Variants in GRIK2 observed in about 807,000 individuals in gnomAD.
GRIK2 encodes glutamate ionotropic receptor kainate type subunit 2.
GRIK2 carries 32 observed loss-of-function variants against 100.3 expected under a neutral mutation model. The observed-to-expected ratio is 0.32, with a 90% CI of 0.24 to 0.43. The LOEUF is 0.43. Among genes scored for constraint, GRIK2 ranks in the 20% least tolerant of loss-of-function variants. The probability of loss-of-function intolerance (pLI) is 1.00; values close to 1 mark genes in which losing one functional copy is unlikely to be tolerated. For missense variants in GRIK2, 843 were observed against 1,114.9 expected (o/e 0.76, Z 3.47); for synonymous variants, 417 against 389.4 (o/e 1.07, Z -0.83).
intron 4 of GRIK2, among the ~76,000 whole-genome samples, chr6:101,664,569 C>A (rs981959811): frequency 2.6e-5 from 4 of 152,222 alleles, no homozygotes; most frequent in Admixed American, 6.5e-5. Flanking sequence ...AGGTTTTAGC[C>A]TTGGCATGGC....
intron 2 of GRIK2, among the ~76,000 whole-genome samples, chr6:101,512,268 A>G (rs1774361347): frequency 6.6e-6 from 1 of 151,998 alleles, no homozygotes; most frequent in Admixed American, 6.6e-5. Flanking sequence ...ATGTATATAC[A>G]GTATGGTATT....
chr6:101,818,292 C>A, intron 9 of GRIK2, 78 bp from the exon 10 acceptor site: 2 of 757,050 alleles, frequency 2.6e-6, no homozygotes, highest in Non-Finnish European at 4.5e-6. Context: ...TAAGTGTTAG[C>A]AATCTTAACT....
intron 2 of GRIK2, among the ~76,000 whole-genome samples, chr6:101,413,637 A>T (rs1775980188): frequency 6.6e-6 from 1 of 152,082 alleles, no homozygotes; most frequent in Admixed American, 6.5e-5. Flanking sequence ...TGGCATCAAG[A>T]TGTATATGTT....
chr6:101,963,509 C>CTTTTTTTTTTTTTTTTTTTTTTTTT (rs770178884), intron 14 of GRIK2, among the ~76,000 whole-genome samples: 1 of 106,108 alleles, frequency 9.4e-6, no homozygotes, highest in African/African-American at 3.8e-5. Flanking sequence ...TTCTTTCTTT[C>CTTTTTTTTTTTTTTTTTTTTTTTTT]TTTTTTTTTT....
chr6:101,961,130 A>G (rs967873911), intron 14 of GRIK2, among the ~76,000 whole-genome samples: 2 of 152,038 alleles, frequency 1.3e-5, no homozygotes, highest in South Asian at 2.1e-4. Flanking sequence ...TCCACATCAC[A>G]CCCTTCTTCC....
At chr6:101,621,239 G>C (rs969782291) in intron 2 of GRIK2, among the ~76,000 whole-genome samples, 3 of 152,140 alleles carry the variant, frequency 2.0e-5, no homozygotes, top group Non-Finnish European at 4.4e-5. Context: ...GATGGCTTGA[G>C]CCCAGGAGTT....
chr6:101,726,660 C>A (rs777114268), intron 7 of GRIK2, among the ~76,000 whole-genome samples: 13 of 151,988 alleles, frequency 8.6e-5, no homozygotes, highest in African/African-American at 3.1e-4. Context: ...CATATTTGAA[C>A]AATGTATATT....
chr6:101,617,263 C>T (rs1169349467), intron 2 of GRIK2, among the ~76,000 whole-genome samples: 1 of 151,674 alleles, frequency 6.6e-6, no homozygotes, highest in Non-Finnish European at 1.5e-5. Flanking sequence ...AGATCATCAC[C>T]AGCATCCCAA....
chr6:102,045,735 A>T (rs1207653126), intron 15 of GRIK2, among the ~76,000 whole-genome samples: 7 of 152,140 alleles, frequency 4.6e-5, no homozygotes, highest in Non-Finnish European at 1.5e-5. Context: ...AAGGAAATAC[A>T]CACATACCAA....
intron 14 of GRIK2, among the ~76,000 whole-genome samples, chr6:102,008,592 T>G (rs188348112): frequency 1.8e-4 from 28 of 152,242 alleles, no homozygotes; most frequent in Non-Finnish European, 3.1e-4. Flanking sequence ...CTAGAAGGAA[T>G]TTTGCCTCTA....
chr6:101,820,917 A>T (rs971388922), intron 10 of GRIK2, among the ~76,000 whole-genome samples: 2 of 152,106 alleles, frequency 1.3e-5, no homozygotes, highest in East Asian at 3.9e-4. Context: ...TGGCATTATC[A>T]TTTTTTTAAT....
chr6:101,758,255 T>G (rs951984547), intron 7 of GRIK2, among the ~76,000 whole-genome samples: 2 of 152,074 alleles, frequency 1.3e-5, no homozygotes, highest in African/African-American at 2.4e-5. Flanking sequence ...AATAAATGAA[T>G]GAAGGTAGGT....
chr6:101,700,412 TGA>T (rs886791229), intron 7 of GRIK2, among the ~76,000 whole-genome samples: 8 of 151,924 alleles, frequency 5.3e-5, no homozygotes, highest in African/African-American at 1.9e-4. Context: ...TAAAAATAGA[TGA>T]GAGTAGGAAG....
chr6:101,786,859 T>A (rs192269477), intron 7 of GRIK2, among the ~76,000 whole-genome samples: 9 of 152,120 alleles, frequency 5.9e-5, no homozygotes, highest in African/African-American at 2.4e-5. Context: ...TTATCTCCTC[T>A]TGCTTTTTAA....
chr6:101,494,807 T>C (rs1283151065), intron 2 of GRIK2, among the ~76,000 whole-genome samples: 1 of 151,164 alleles, frequency 6.6e-6, no homozygotes, highest in Admixed American at 6.6e-5. Flanking sequence ...GTGACATGCA[T>C]CTGTGGTTCC....
At chr6:101,575,251 T>C (rs1410488824) in intron 2 of GRIK2, among the ~76,000 whole-genome samples, 1 of 151,932 alleles carries the variant, frequency 6.6e-6, no homozygotes, top group East Asian at 1.9e-4. Flanking sequence ...ATTACATTAA[T>C]TCAGTGCATA....
At chr6:101,537,172 G>A (rs1321813174) in intron 2 of GRIK2, among the ~76,000 whole-genome samples, 2 of 151,656 alleles carry the variant, frequency 1.3e-5, no homozygotes, top group Non-Finnish European at 3.0e-5. Flanking sequence ...CTCCTTGTTG[G>A]TTCCTTGTTA....
chr6:101,534,746 C>G (rs1775606196), intron 2 of GRIK2, among the ~76,000 whole-genome samples: 1 of 151,828 alleles, frequency 6.6e-6, no homozygotes, highest in African/African-American at 2.4e-5. Flanking sequence ...TGCACTAAAA[C>G]AACAAAACTC....
intron 2 of GRIK2, among the ~76,000 whole-genome samples, chr6:101,443,873 ATTTAT>A (rs927566458): frequency 6.6e-5 from 10 of 151,260 alleles, no homozygotes; most frequent in Non-Finnish European, 1.5e-4. Flanking sequence ...TTATTTTAAA[ATTTAT>A]TTTATTTTAT....
Sources: gnomAD v4.1 joint callset for allele counts (sites outside exome capture counted in the v4.1 genomes callset) on GRCh38, gnomAD v4.1.1 for gene constraint, MANE v1.5 for transcripts, NCBI Gene and HGNC (gene_info 2026-07-23, HGNC 2026-07-21) for gene names.